Variants in LGSN observed in about 807,000 individuals in gnomAD.
The protein encoded by LGSN is lengsin.
Under a neutral mutation model 19.5 loss-of-function variants are expected in LGSN, and 21 were observed. That is an observed-to-expected ratio of 1.07 (90% CI 0.76 to 1.55). The LOEUF is 1.55. Among genes scored for constraint, LGSN ranks in the 40% most tolerant of loss-of-function variants. The pLI, the probability that LGSN is intolerant of heterozygous loss-of-function variation, is 0.00. For synonymous variants in LGSN, 257 were observed against 215.6 expected, an observed-to-expected ratio of 1.19 and a Z score of -1.68; for missense variants, 673 against 608.5, an observed-to-expected ratio of 1.11 and a Z score of -1.12.
At chr6:63,380,398 G>A in the LGSN span, among the ~76,000 whole-genome samples, 1 of 152,184 alleles carries the variant, frequency 6.6e-6, no homozygotes, top group Admixed American at 6.5e-5. Flanking sequence ...TGAGTCTGCA[G>A]ACGCATATCA....
the LGSN span, among the ~76,000 whole-genome samples, chr6:63,401,935 G>A: frequency 6.6e-6 from 1 of 152,218 alleles, no homozygotes; most frequent in African/African-American, 2.4e-5. Flanking sequence ...TGACAACAAA[G>A]AGTAAAGCTC....
the LGSN span, chr6:63,396,314 G>T: frequency 4.6e-6 from 1 of 215,992 alleles, no homozygotes; most frequent in South Asian, 7.2e-5. Context: ...TGTGACAGCA[G>T]TTTAAATTCT....
the LGSN span, among the ~76,000 whole-genome samples, chr6:63,452,309 C>T: frequency 6.6e-6 from 1 of 151,950 alleles, no homozygotes; most frequent in African/African-American, 2.4e-5. Flanking sequence ...AGTACAGTGG[C>T]GCAATCATAG....
the LGSN span, among the ~76,000 whole-genome samples, chr6:63,437,139 GAGAA>G: frequency 2.5e-5 from 1 of 39,710 alleles, no homozygotes; most frequent in Non-Finnish European, 7.0e-5. Context: ...AGAAAGAAAG[GAGAA>G]AGAAAGAGAG....
chr6:63,458,130 C>T, the LGSN span, among the ~76,000 whole-genome samples: 1 of 152,078 alleles, frequency 6.6e-6, no homozygotes, highest in East Asian at 1.9e-4. Context: ...TGCAATGGCA[C>T]TATCTCAGCT....
chr6:63,374,146 C>T, the LGSN span, among the ~76,000 whole-genome samples: 16 of 151,456 alleles, frequency 1.1e-4, no homozygotes, highest in African/African-American at 3.4e-4. Context: ...TCTGCATGCC[C>T]GAAACTTACT....
chr6:63,279,918 G>T lies in LGSN; in HGVS notation c.*103C>A. The T allele has an allele frequency of 9.3e-7, 1 of 1,073,324 alleles. No individual in the cohort carries two copies. Among genetic ancestry groups the T allele is most frequent in the Non-Finnish European group, 1.4e-6 (1 of 740,326 alleles). The allele number at this position is 1,073,324 out of a possible 1,614,324, so 66.5% of individuals were successfully genotyped here. On this transcript the variant is annotated 3_prime_UTR_variant, in exon 4 of 4. Transcript: ENST00000370657. The stretch of plus-strand genomic sequence containing the variant: ...AAAAGTCAAAAGCATTCGTAATCTT[G>T]TTATTGTTGCTGTTGTTAATTACAA...
the LGSN span, among the ~76,000 whole-genome samples, chr6:63,512,600 T>C: frequency 6.6e-6 from 1 of 152,224 alleles, no homozygotes; most frequent in East Asian, 1.9e-4. Context: ...TCATTCATTG[T>C]GCAAAGGGTA....
the LGSN span, among the ~76,000 whole-genome samples, chr6:63,388,123 G>C: frequency 6.6e-6 from 1 of 151,228 alleles, no homozygotes; most frequent in East Asian, 1.9e-4. Context: ...TGACCTACCT[G>C]CTTTGGCCTC....
chr6:63,489,439 G>A, the LGSN span, among the ~76,000 whole-genome samples: 1 of 152,182 alleles, frequency 6.6e-6, no homozygotes, highest in Non-Finnish European at 1.5e-5. Context: ...CACAATCTCA[G>A]CTCACCACAA....
intron 1 of LGSN, among the ~76,000 whole-genome samples, chr6:63,315,618 CTG>C (rs10601946): frequency 0.66 from 91,291 of 137,292 alleles, 30,635 homozygotes; most frequent in Non-Finnish European, 0.78. Flanking sequence ...CTCTCTCTCT[CTG>C]TGTGTGTGTG....
the LGSN span, among the ~76,000 whole-genome samples, chr6:63,429,290 T>A: frequency 6.6e-6 from 1 of 152,306 alleles, no homozygotes; most frequent in African/African-American, 2.4e-5. Context: ...ATTGATAAAA[T>A]CCTTTCCTCT....
chr6:63,377,730 T>C, the LGSN span, among the ~76,000 whole-genome samples: 1 of 151,496 alleles, frequency 6.6e-6, no homozygotes, highest in Non-Finnish European at 1.5e-5. Flanking sequence ...CTGGCCAACA[T>C]GATGAAACCC....
chr6:63,436,848 C>T, the LGSN span, among the ~76,000 whole-genome samples: 5 of 150,942 alleles, frequency 3.3e-5, no homozygotes, highest in Non-Finnish European at 4.4e-5. Flanking sequence ...CCAGCCTGAG[C>T]GAAATGGTGA....
chr6:63,456,369 A>ATACTTTTTTTTTTTTT, the LGSN span, among the ~76,000 whole-genome samples: 3 of 40,066 alleles, frequency 7.5e-5, no homozygotes, highest in Non-Finnish European at 2.2e-4. Context: ...ATATATATAT[A>ATACTTTTTTTTTTTTT]TATATATATA....
the LGSN span, among the ~76,000 whole-genome samples, chr6:63,421,589 G>A: frequency 6.6e-6 from 1 of 151,990 alleles, no homozygotes; most frequent in African/African-American, 2.4e-5. Flanking sequence ...TTAGCTGGGT[G>A]TGGTGGCACG....
the LGSN span, among the ~76,000 whole-genome samples, chr6:63,481,185 C>T: frequency 6.6e-6 from 1 of 151,910 alleles, no homozygotes; most frequent in Non-Finnish European, 1.5e-5. Flanking sequence ...CAAAGGCATA[C>T]AAAGTGATAT....
rs1768757404 is a variant in LGSN, at chr6:63,314,264, C to T, written c.30+5650G>A. ...ATGGGGAAAAAAATATAGAAGAGTGCTTACTTCCTCTGTCTCTGCTCTCCA... is the reference window on the plus strand; with the variant it reads ...ATGGGGAAAAAAATATAGAAGAGTGTTTACTTCCTCTGTCTCTGCTCTCCA... On this transcript the variant is annotated intron_variant, in intron 1 of 3. Transcript: ENST00000370657. Among the ~76,000 whole-genome samples the T allele has an allele frequency of 2.6e-5, 4 of 152,242 alleles. No homozygotes were observed. The South Asian group carries it at 8.3e-4, about 32-fold the overall frequency.
intron 1 of LGSN, among the ~76,000 whole-genome samples, chr6:63,319,475 T>C (rs1769003725): frequency 6.6e-6 from 1 of 152,218 alleles, no homozygotes; most frequent in Admixed American, 6.5e-5. Flanking sequence ...GTGGCTATCA[T>C]TATTCATGCT....
Sources: gnomAD v4.1 joint callset for allele counts (sites outside exome capture counted in the v4.1 genomes callset) on GRCh38, gnomAD v4.1.1 for gene constraint, MANE v1.5 for transcripts, NCBI Gene and HGNC (gene_info 2026-07-23, HGNC 2026-07-21) for gene names.